DLGAP2: variants seen among roughly 807,000 people sequenced by gnomAD.
The protein encoded by DLGAP2 is DLG associated protein 2.
In DLGAP2, 26 loss-of-function variants were observed where a neutral mutation model predicts 100.3. The ratio of observed to expected loss-of-function variants is 0.26; its 90% CI spans 0.19 to 0.36. The LOEUF is 0.36. Ranked by LOEUF, DLGAP2 falls within the 10% of genes least tolerant of loss-of-function variation. The pLI is 1.00. For synonymous variants in DLGAP2, 886 were observed against 630.1 expected (o/e 1.41, Z -6.08); for missense variants, 1,858 against 1,453.2 (o/e 1.28, Z -4.53).
At chr8:1,121,030 G>T (rs542969322) in intron 2 of DLGAP2, among the ~76,000 whole-genome samples, 1 of 99,718 alleles carries the variant, frequency 1.0e-5, no homozygotes, top group South Asian at 3.6e-4. Flanking sequence ...CCCTGGCCAC[G>T]CATCCTTGTC....
intron 5 of DLGAP2, among the ~76,000 whole-genome samples, chr8:1,558,026 C>T (rs968916337): frequency 5.9e-5 from 9 of 152,230 alleles, no homozygotes; most frequent in African/African-American, 2.2e-4. Flanking sequence ...TGAGGGCATG[C>T]CCTGGAGAGA....
chr8:848,982 C>G (rs149245986), intron 1 of DLGAP2, among the ~76,000 whole-genome samples: 1,647 of 151,412 alleles, frequency 0.011, 31 homozygotes, highest in African/African-American at 0.037. Context: ...TCGTGAGGTG[C>G]CTGTTCCAGC....
At chr8:1,242,780 A>G (rs577854918) in intron 2 of DLGAP2, among the ~76,000 whole-genome samples, 1 of 152,274 alleles carries the variant, frequency 6.6e-6, no homozygotes, top group South Asian at 2.1e-4. Flanking sequence ...GGATGGATGG[A>G]TAGACGGACA....
intron 1 of DLGAP2, among the ~76,000 whole-genome samples, chr8:849,647 A>G (rs1377324725): frequency 1.3e-5 from 2 of 152,150 alleles, no homozygotes; most frequent in Non-Finnish European, 1.5e-5. Flanking sequence ...AGCCGTCCTA[A>G]TAGTGGAGAG....
chr8:1,335,922 C>T (rs975287863), intron 3 of DLGAP2, among the ~76,000 whole-genome samples: 7 of 152,246 alleles, frequency 4.6e-5, no homozygotes, highest in East Asian at 1.9e-4. Context: ...ACCCTAGAGC[C>T]GGGGCTGCGC....
chr8:1,023,855 A>ATGTGTGTGTGTGTGTGTGTG (rs1192338772), intron 2 of DLGAP2, among the ~76,000 whole-genome samples: 149 of 59,352 alleles, frequency 2.5e-3, no homozygotes, highest in Middle Eastern at 9.4e-3. Context: ...CAAACTTTAT[A>ATGTGTGTGTGTGTGTGTGTG]TATGTGTGTG....
chr8:827,866 C>T (rs568506407), intron 1 of DLGAP2, among the ~76,000 whole-genome samples: 8 of 152,162 alleles, frequency 5.3e-5, no homozygotes, highest in Non-Finnish European at 1.0e-4. Context: ...TCCTAAGCGT[C>T]GGCTGGCTTG....
chr8:1,423,668 G>C (rs539904151), intron 3 of DLGAP2, among the ~76,000 whole-genome samples: 1 of 152,216 alleles, frequency 6.6e-6, no homozygotes, highest in Admixed American at 6.5e-5. Flanking sequence ...TGCTCTGTGC[G>C]TTGAGAGCCT....
chr8:1,424,661 A>T (rs1291149970), intron 3 of DLGAP2, among the ~76,000 whole-genome samples: 1 of 152,046 alleles, frequency 6.6e-6, no homozygotes, highest in Non-Finnish European at 1.5e-5. Flanking sequence ...GGATGGTGTG[A>T]TCCCCTTACA....
chr8:1,501,758 G>C (rs1799731938), intron 4 of DLGAP2, among the ~76,000 whole-genome samples: 1 of 152,176 alleles, frequency 6.6e-6, no homozygotes, highest in Non-Finnish European at 1.5e-5. Flanking sequence ...TCAGGAAGCA[G>C]GGTGTTCCCG....
chr8:937,723 C>T (rs1205852766), intron 2 of DLGAP2, among the ~76,000 whole-genome samples: 1 of 152,194 alleles, frequency 6.6e-6, no homozygotes, highest in Non-Finnish European at 1.5e-5. Context: ...TCTCCTCCAT[C>T]TCCTACAATC....
chr8:987,724 C>T (rs764658957), intron 2 of DLGAP2, among the ~76,000 whole-genome samples: 12 of 152,260 alleles, frequency 7.9e-5, no homozygotes, highest in Admixed American at 1.3e-4. Flanking sequence ...TCCAAGCCGA[C>T]GACAAGCCCA....
intron 2 of DLGAP2, among the ~76,000 whole-genome samples, chr8:1,069,292 G>A (rs1318969305): frequency 6.6e-6 from 1 of 152,152 alleles, no homozygotes; most frequent in East Asian, 1.9e-4. Context: ...CAGAGCTGGG[G>A]CCCCTGGACA....
At chr8:1,267,309 GT>G (rs1799474701) in intron 3 of DLGAP2, among the ~76,000 whole-genome samples, 1 of 150,972 alleles carries the variant, frequency 6.6e-6, no homozygotes, top group Admixed American at 6.6e-5. Flanking sequence ...GCTCACGCCT[GT>G]AATTCCAGCA....
intron 2 of DLGAP2, among the ~76,000 whole-genome samples, chr8:1,111,257 A>G (rs1185186233): frequency 1.3e-5 from 2 of 152,180 alleles, no homozygotes; most frequent in Non-Finnish European, 2.9e-5. Flanking sequence ...TCCCAGAGTG[A>G]TGGCAGAAAT....
chr8:1,135,338 CA>C (rs1160719500), intron 2 of DLGAP2, among the ~76,000 whole-genome samples: 1 of 152,098 alleles, frequency 6.6e-6, no homozygotes, highest in African/African-American at 2.4e-5. Flanking sequence ...TTCATAAAAA[CA>C]AAAGCAAAGC....
At chr8:1,197,768 C>T (rs1269502038) in intron 2 of DLGAP2, among the ~76,000 whole-genome samples, 1 of 152,244 alleles carries the variant, frequency 6.6e-6, no homozygotes, top group Non-Finnish European at 1.5e-5. Context: ...AGGGTCTGGG[C>T]CACCAGATGT....
chr8:1,481,424 C>G (rs1799088979), intron 3 of DLGAP2, among the ~76,000 whole-genome samples: 1 of 147,380 alleles, frequency 6.8e-6, no homozygotes, highest in Non-Finnish European at 1.5e-5. Flanking sequence ...GAGGAAGGGT[C>G]AAAGTGAGAT....
intron 3 of DLGAP2, among the ~76,000 whole-genome samples, chr8:1,444,771 CTTTTTTTTTTT>C (rs914045708): frequency 1.3e-5 from 1 of 79,852 alleles, no homozygotes; most frequent in African/African-American, 5.5e-5. Context: ...CCAGGTCATT[CTTTTTTTTTTT>C]TTTTTTTTTT....
Sources: allele counts gnomAD v4.1 joint callset (sites outside exome capture counted in the v4.1 genomes callset), GRCh38; gene constraint gnomAD v4.1.1; transcripts MANE v1.5; gene names NCBI Gene and HGNC (gene_info 2026-07-23, HGNC 2026-07-21).